The following KNL1 variants were observed in gnomAD, a reference collection of about 807,000 sequenced individuals.
KNL1 encodes the protein outer kinetochore KNL1 complex subunit KNL1.
A neutral mutation model predicts 201.3 loss-of-function variants in KNL1; 66 were observed. The observed-to-expected ratio is 0.33, with a 90% CI of 0.27 to 0.40. The LOEUF is 0.40. Among genes scored for constraint, KNL1 ranks in the 10% least tolerant of loss-of-function variants. KNL1 has a pLI of 1.00. For synonymous variants in KNL1, 895 were observed against 899.2 expected (o/e 1.00, Z 0.08); for missense variants, 2,815 against 2,690.5 (o/e 1.05, Z -1.02).
chr15:40,648,954 C>T (rs1181143884), intron 17 of KNL1, among the ~76,000 whole-genome samples: 5 of 151,360 alleles, frequency 3.3e-5, no homozygotes, highest in South Asian at 2.1e-4. Context: ...CTGAGCTTCC[C>T]GAGTAGCTGG....
intron 17 of KNL1, 28 bp from the exon 18 acceptor site, chr15:40,650,273 T>G (rs773454932): frequency 7.2e-7 from 1 of 1,392,068 alleles, no homozygotes; most frequent in African/African-American, 1.4e-5. Flanking sequence ...TTTCACTGAA[T>G]TATTCTAACA....
chr15:40,598,597 C>CA lies in KNL1; in HGVS notation c.-18+4212dup, dbSNP rs146451388. 6.5e-3 allele frequency among the ~76,000 whole-genome samples: 987 copies of CA among 151,434 alleles called. 12 individuals are homozygous for CA. Among genetic ancestry groups the CA allele is most frequent in the African/African-American group, 0.023 (938 of 41,274 alleles). On this transcript the variant is annotated intron_variant, in intron 1 of 25. Transcript: ENST00000399668. ...GCCCCCTCCGGCCCCCCAAAAAAAA[C>CA]AAAAAAATGAGTGGGTTGGGGATAT...
At chr15:40,632,469 G>A (rs1257499441) in intron 13 of KNL1, among the ~76,000 whole-genome samples, 1 of 152,000 alleles carries the variant, frequency 6.6e-6, no homozygotes, top group Non-Finnish European at 1.5e-5. Flanking sequence ...AGGCCTGGTA[G>A]CATGTGCCTG....
At chr15:40,629,463 AGAG>A in intron 13 of KNL1, 92 bp downstream of exon 13, 1 of 372,054 alleles carries the variant, frequency 2.7e-6, no homozygotes, top group South Asian at 2.4e-5. Context: ...TTTCCTATAG[AGAG>A]TTTTCTTTTT....
At position 40,654,940 on chromosome 15, in the gene KNL1, G is replaced by A; in HGVS notation, c.6447G>A (p.Arg2149=). The part of the protein sequence containing the change: ...VGFPFLDKRY[R]KIVDVNFQSL... ...TCCCTTTCCTGGACAAGCGTTATAG[G>A]AAGATTGTTGATGTCAATTTTCAAT... The change falls in exon 22 of 26, where the codon AGG becomes AGA. Residue 2149 remains arginine (R), a synonymous_variant. Coordinates refer to ENST00000399668, the MANE Select transcript of KNL1 (RefSeq NM_144508.5). 6.2e-7 allele frequency: 1 copy of A among 1,613,086 alleles called. No homozygotes were observed. The highest frequency in any genetic ancestry group is 8.5e-7 in the Non-Finnish European group (1 of 1,179,604).
At chr15:40,616,629 C>T (rs1418850843) in intron 8 of KNL1, among the ~76,000 whole-genome samples, 2 of 152,174 alleles carry the variant, frequency 1.3e-5, no homozygotes, top group African/African-American at 2.4e-5. Context: ...CCTTCTGTGA[C>T]TGCTTTAATT....
chr15:40,613,637 G>A (rs903225383), intron 7 of KNL1, among the ~76,000 whole-genome samples: 4 of 151,762 alleles, frequency 2.6e-5, no homozygotes, highest in African/African-American at 4.8e-5. Context: ...ACGGGGTTTC[G>A]CTCTTGTTGG....
chr15:40,658,872 G>A (rs1893818631), intron 24 of KNL1, among the ~76,000 whole-genome samples: 1 of 151,336 alleles, frequency 6.6e-6, no homozygotes, highest in African/African-American at 2.4e-5. Context: ...GGAGGTTGCA[G>A]TGAGCCGAGA....
At chr15:40,606,213 A>G (rs1472250048) in intron 3 of KNL1, among the ~76,000 whole-genome samples, 180 bp from the exon 4 acceptor site, 1 of 152,218 alleles carries the variant, frequency 6.6e-6, no homozygotes, top group Non-Finnish European at 1.5e-5. Context: ...GGCAGGTAGA[A>G]GGGAATAGAT....
In KNL1 at chr15:40,645,781, A is replaced by G; in HGVS notation, c.6006+9A>G. On this transcript the variant is annotated intron_variant, in intron 16 of 25. Coordinates refer to ENST00000399668, the MANE Select transcript of KNL1 (RefSeq NM_144508.5). ...TGGTGCAGTCAGCTCAGGTAATTTG[A>G]GACAGTTAATATCATAGAAAGAGAG... The G allele has an allele frequency of 7.1e-7, 1 of 1,408,908 alleles. No individual in the cohort carries two copies. Among genetic ancestry groups the G allele is most frequent in the Non-Finnish European group, 9.9e-7 (1 of 1,014,628 alleles). The allele number at this position is 1,408,908 out of a possible 1,614,324, so 87.3% of individuals were successfully genotyped here.
At chr15:40,638,318 T>C (rs1041726867) in intron 13 of KNL1, among the ~76,000 whole-genome samples, 5 of 151,884 alleles carry the variant, frequency 3.3e-5, no homozygotes, top group African/African-American at 1.2e-4. Flanking sequence ...TCTAGTGTTG[T>C]CATTATTTAG....
At position 40,623,247 on chromosome 15, in the gene KNL1, G is replaced by A. The variant is rs759778211; in HGVS notation, c.2983G>A (p.Glu995Lys). The A allele has an allele frequency of 1.8e-5, 29 of 1,613,932 alleles. No individual in the cohort carries two copies. Among genetic ancestry groups the A allele is most frequent in the African/African-American group, 2.7e-5 (2 of 75,044 alleles). ...AACAGTGATATGTACTCCTACTGAG[G>A]AGAGTGTTTTCTTTCCAGGAAATGG... The part of the protein sequence containing the change: ...TPTVICTPTE[E>K]SVFFPGNGES... The change falls in exon 10 of 26, where the codon GAG (glutamate) becomes AAG (lysine). Residue 995 changes from glutamate to lysine, a missense_variant. Transcript: ENST00000399668.
rs980506508 is a variant in KNL1, at chr15:40,640,585, TA to T, written c.5683-316del. ...GGGAATAGTTACTAGGAAACTGGCT[TA>T]AAAAAAAAAATTAAAAAGGGGTTCC... On this transcript the variant is annotated intron_variant, in intron 13 of 25. Coordinates refer to ENST00000399668, the MANE Select transcript of KNL1 (RefSeq NM_144508.5). Among the ~76,000 whole-genome samples the T allele has an allele frequency of 4.1e-3, 609 of 148,344 alleles. 9 individuals carry two copies. Among genetic ancestry groups the T allele is most frequent in the African/African-American group, 0.014 (562 of 40,614 alleles).
At chr15:40,649,896 A>G (rs1410686044) in intron 17 of KNL1, among the ~76,000 whole-genome samples, 2 of 151,996 alleles carry the variant, frequency 1.3e-5, no homozygotes, top group East Asian at 3.9e-4. Flanking sequence ...CATCACATCT[A>G]CTTGTATTAT....
chr15:40,634,491 AG>A (rs1249884455), intron 13 of KNL1, among the ~76,000 whole-genome samples: 5 of 152,234 alleles, frequency 3.3e-5, no homozygotes, highest in African/African-American at 1.2e-4. Flanking sequence ...AAAGCTGTTT[AG>A]AAACAAATCA....
Position 40,621,305 on chromosome 15 carries a change from G to A in KNL1, c.1041G>A (p.Met347Ile), listed in dbSNP as rs1595924055. ...TAGAAAATCAAACTCAGAATGCCAT[G>A]GATGTAACAACAGGTTATGGAACTA... The part of the protein sequence containing the change: ...SEIENQTQNA[M>I]DVTTGYGTKA... The change falls in exon 10 of 26, where the codon ATG becomes ATA. Residue 347 changes from methionine (M) to isoleucine (I), a missense_variant. This residue lies in a region of KNL1 where 2,464 missense variants were observed against 2,291.7 expected (regional missense o/e 1.08). Coordinates refer to ENST00000399668, the MANE Select transcript of KNL1 (RefSeq NM_144508.5). 1 of 1,613,888 alleles carries A rather than the reference G, an allele frequency of 6.2e-7. No individual in the cohort carries two copies. Among genetic ancestry groups the A allele is most frequent in the Middle Eastern group, 1.6e-4 (1 of 6,062 alleles).
At chr15:40,596,267 TTTTA>T (rs1012837034) in intron 1 of KNL1, among the ~76,000 whole-genome samples, 16 of 152,282 alleles carry the variant, frequency 1.1e-4, no homozygotes, top group African/African-American at 2.4e-4. Context: ...ATATTTTAAA[TTTTA>T]TTTATTTATT....
intron 2 of KNL1, among the ~76,000 whole-genome samples, chr15:40,603,672 C>T (rs1379328832): frequency 6.6e-6 from 1 of 152,070 alleles, no homozygotes; most frequent in East Asian, 1.9e-4. Flanking sequence ...TGGCTTTGCC[C>T]AGGAAAGAAT....
Position 40,651,293 on chromosome 15 carries a change from TATA to T in KNL1, c.6213-176_6213-174del, listed in dbSNP as rs374549070. On this transcript the variant is annotated intron_variant, in intron 19 of 25. Coordinates refer to ENST00000399668, the MANE Select transcript of KNL1 (RefSeq NM_144508.5). ...AGACCCACTTCTAGATTAATGCTTA[TATA>T]AAAAAAAAAAAAAAAACTAAACTAA... Among the ~76,000 whole-genome samples, 22,633 of 106,838 alleles carry T rather than the reference TATA, an allele frequency of 0.21. 2,801 individuals are homozygous for T. The highest frequency in any genetic ancestry group is 0.47 in the African/African-American group (14,154 of 30,372). 70.1% of individuals were successfully genotyped at this position (106,838 alleles called of 152,430 possible).
Sources: allele counts gnomAD v4.1 joint callset (sites outside exome capture counted in the v4.1 genomes callset), GRCh38; gene constraint gnomAD v4.1.1; regional missense constraint gnomAD v4.1.1; transcripts MANE v1.5; gene names NCBI Gene and HGNC (gene_info 2026-07-23, HGNC 2026-07-21).